The following PDE8B variants were observed in gnomAD, a reference collection of about 807,000 sequenced individuals.
The protein encoded by PDE8B is phosphodiesterase 8B.
PDE8B carries 26 observed loss-of-function variants against 101.3 expected under a neutral mutation model. That is an observed-to-expected ratio of 0.26 (90% CI 0.19 to 0.36). The LOEUF is 0.36. Among genes scored for constraint, PDE8B ranks in the 10% least tolerant of loss-of-function variants. The pLI, the probability that PDE8B is intolerant of heterozygous loss-of-function variation, is 1.00. For synonymous variants in PDE8B, 424 were observed against 429.3 expected (o/e 0.99, Z 0.15); for missense variants, 810 against 1,163.1 (o/e 0.70, Z 4.42).
At chr5:77,195,430 A>G in the PDE8B span, among the ~76,000 whole-genome samples, 8 of 152,286 alleles carry the variant, frequency 5.3e-5, no homozygotes, top group East Asian at 1.2e-3. Context: ...TAAGGGTTGC[A>G]GTTTCCCCAT....
chr5:77,201,218 G>A, the PDE8B span, among the ~76,000 whole-genome samples: 1 of 152,224 alleles, frequency 6.6e-6, no homozygotes, highest in Non-Finnish European at 1.5e-5. Flanking sequence ...GCGTAGGCCT[G>A]ACTGTGGGGA....
At chr5:77,357,691 C>A (rs910588166) in intron 10 of PDE8B, among the ~76,000 whole-genome samples, 2 of 152,186 alleles carry the variant, frequency 1.3e-5, no homozygotes, top group Non-Finnish European at 1.5e-5. Flanking sequence ...GTGCTCACAG[C>A]CCCCTGAACC....
At chr5:77,425,691 T>G (rs914896284) in intron 20 of PDE8B, 76 bp from the exon 21 acceptor site, 62 of 1,457,256 alleles carry the variant, frequency 4.3e-5, no homozygotes, top group Non-Finnish European at 5.8e-5. Flanking sequence ...TTCACAGGGT[T>G]GTTCTGAGAA....
At chr5:77,132,179 T>G in the PDE8B span, among the ~76,000 whole-genome samples, 1 of 152,200 alleles carries the variant, frequency 6.6e-6, no homozygotes, top group South Asian at 2.1e-4. Context: ...TGTACATATT[T>G]TTACACAACA....
the PDE8B span, chr5:77,105,484 G>A: frequency 6.6e-6 from 1 of 152,176 alleles, no homozygotes; most frequent in Non-Finnish European, 1.5e-5. Flanking sequence ...ATGATGTCTG[G>A]TAGGTTAGGT....
chr5:77,288,839 CTTT>C (rs55906951), intron 1 of PDE8B, among the ~76,000 whole-genome samples: 308 of 128,320 alleles, frequency 2.4e-3, no homozygotes, highest in Admixed American at 3.4e-3. Flanking sequence ...CTGCCCCCAT[CTTT>C]TTTTTTTTTT....
At chr5:77,258,812 A>G (rs1345684325) in intron 1 of PDE8B, among the ~76,000 whole-genome samples, 1 of 152,060 alleles carries the variant, frequency 6.6e-6, no homozygotes, top group African/African-American at 2.4e-5. Context: ...TGTCTTGGAA[A>G]TTGCAACAGG....
rs1580454173 is a variant in PDE8B at position 77,231,904 on chromosome 5, C to G, written c.339+20640C>G. 3.9e-5 allele frequency among the ~76,000 whole-genome samples: 6 copies of G among 152,342 alleles called. No homozygotes were observed. In the South Asian group the frequency reaches 1.2e-3, roughly 32 times the overall value. On this transcript the variant is annotated intron_variant, in intron 1 of 21. Coordinates refer to ENST00000264917, the MANE Select transcript of PDE8B (RefSeq NM_003719.5). ...AGAAGTGACTTGACCTCTCTCAGCTCTCATCCTGCAGTGCCCTGCCAGTGC... is the reference window on the plus strand; with the variant it reads ...AGAAGTGACTTGACCTCTCTCAGCTGTCATCCTGCAGTGCCCTGCCAGTGC...
At chr5:77,265,615 T>G (rs573715634) in intron 1 of PDE8B, among the ~76,000 whole-genome samples, 1 of 152,322 alleles carries the variant, frequency 6.6e-6, no homozygotes, top group South Asian at 2.1e-4. Flanking sequence ...TCCAGAACTA[T>G]AAGTCTCTTG....
chr5:77,245,299 A>G (rs1474759686), intron 1 of PDE8B, among the ~76,000 whole-genome samples: 1 of 152,264 alleles, frequency 6.6e-6, no homozygotes, highest in Non-Finnish European at 1.5e-5. Context: ...TGTCTTGAGT[A>G]AAATAAAATA....
At chr5:77,111,087 A>G in the PDE8B span, among the ~76,000 whole-genome samples, 34 of 152,358 alleles carry the variant, frequency 2.2e-4, no homozygotes, top group African/African-American at 7.9e-4. Context: ...ATGTCAAAAA[A>G]TCACTTTGGT....
At chr5:77,235,612 A>C (rs1023215079) in intron 1 of PDE8B, among the ~76,000 whole-genome samples, 1 of 152,116 alleles carries the variant, frequency 6.6e-6, no homozygotes, top group African/African-American at 2.4e-5. Context: ...TAATTTATTC[A>C]CCATTTTCAT....
chr5:77,303,603 G>A (rs1253705607), intron 1 of PDE8B, among the ~76,000 whole-genome samples: 2 of 146,804 alleles, frequency 1.4e-5, no homozygotes, highest in African/African-American at 5.1e-5. Flanking sequence ...TAAATAAATA[G>A]GTCATTCACA....
the PDE8B span, among the ~76,000 whole-genome samples, chr5:77,116,352 C>T: frequency 4.0e-5 from 6 of 151,576 alleles, no homozygotes; most frequent in African/African-American, 1.5e-4. Flanking sequence ...CTGCCTCAGC[C>T]TCCCGAGTAG....
chr5:77,366,114 T>A (rs1489729725), intron 10 of PDE8B, among the ~76,000 whole-genome samples: 2 of 152,182 alleles, frequency 1.3e-5, no homozygotes, highest in African/African-American at 4.8e-5. Context: ...CACATTAATG[T>A]TTTATGGTTT....
chr5:77,292,615 T>G (rs1246769065), intron 1 of PDE8B, among the ~76,000 whole-genome samples: 3 of 152,306 alleles, frequency 2.0e-5, no homozygotes, highest in East Asian at 3.9e-4. Flanking sequence ...ATTTTTGGAT[T>G]GCCAGAGAGG....
the PDE8B span, chr5:77,134,254 C>T: frequency 6.6e-6 from 1 of 152,212 alleles, no homozygotes; most frequent in African/African-American, 2.4e-5. Flanking sequence ...CTGCAGGATG[C>T]ACTGTATACA....
At chr5:77,225,445 G>A (rs1472563736) in intron 1 of PDE8B, among the ~76,000 whole-genome samples, 4 of 152,150 alleles carry the variant, frequency 2.6e-5, no homozygotes, top group Admixed American at 2.6e-4. Flanking sequence ...TTCATAGTCT[G>A]CTAGTAATGT....
In PDE8B at chr5:77,263,665, C is replaced by T. The variant is rs535708721; in HGVS notation, c.340-48329C>T. Among the ~76,000 whole-genome samples, 8 of 152,262 alleles carry T rather than the reference C, an allele frequency of 5.3e-5. No homozygotes were observed. The South Asian group carries it at 1.4e-3, about 28-fold the overall frequency. ...AGGTTATTGCTAAAGGTTTCCAAGA[C>T]CCCTTGCCCAACTGATGTCGGAGGA... On this transcript the variant is annotated intron_variant, in intron 1 of 21. Coordinates refer to ENST00000264917, the MANE Select transcript of PDE8B (RefSeq NM_003719.5).
Sources: gnomAD v4.1 joint callset for allele counts (sites outside exome capture counted in the v4.1 genomes callset) on GRCh38, gnomAD v4.1.1 for gene constraint, MANE v1.5 for transcripts, NCBI Gene and HGNC (gene_info 2026-07-23, HGNC 2026-07-21) for gene names.